ERCC6L2: variants seen among roughly 807,000 people sequenced by gnomAD.
ERCC6L2 encodes the protein ERCC excision repair 6 like 2, also known as DNA excision repair protein ERCC-6-like 2.
In ERCC6L2, 77 loss-of-function variants were observed where a neutral mutation model predicts 132.0. The observed-to-expected ratio is 0.58, with a 90% confidence interval of 0.49 to 0.71. ERCC6L2 has a LOEUF of 0.71. ERCC6L2 is among the 30% of genes least tolerant of loss of function. The pLI, the probability that ERCC6L2 is intolerant of heterozygous loss-of-function variation, is 0.00. For missense variants in ERCC6L2, 1,542 were observed against 1,837.6 expected (o/e 0.84, Z 2.94); for synonymous variants, 583 against 632.4 (o/e 0.92, Z 1.17).
At chr9:95,927,867 C>T (rs1168624499) in intron 9 of ERCC6L2, among the ~76,000 whole-genome samples, 1 of 152,120 alleles carries the variant, frequency 6.6e-6, no homozygotes, top group South Asian at 2.1e-4. Context: ...GGAACTTTAC[C>T]TCCTTATTGA....
chr9:95,912,144 A>G (rs560281801), intron 4 of ERCC6L2, among the ~76,000 whole-genome samples: 1 of 152,306 alleles, frequency 6.6e-6, no homozygotes, highest in African/African-American at 2.4e-5. Flanking sequence ...AAGAATGTGT[A>G]AATAATATGA....
At position 95,881,011 on chromosome 9, in the gene ERCC6L2, A is replaced by C; in HGVS notation, c.189A>C (p.Lys63Asn). 6.2e-7 allele frequency: 1 copy of C among 1,614,064 alleles called. No homozygotes were observed. The highest frequency in any genetic ancestry group is 8.5e-7 in the Non-Finnish European group (1 of 1,179,954). Residue 63 changes from lysine (K) to asparagine (N), a missense_variant, in exon 2 of 19, where the codon AAA becomes AAC. This residue lies in a region of ERCC6L2 where 153 missense variants were observed against 132.3 expected (regional missense o/e 1.16). Transcript: ENST00000653738. ...VVLYADFQER[K>N]IPLKQLQEVK... ...TATATGCAGATTTTCAAGAAAGGAAAATACCTCTTAAACAGCTTCAAGAAG... is the reference window on the plus strand; with the variant it reads ...TATATGCAGATTTTCAAGAAAGGAACATACCTCTTAAACAGCTTCAAGAAG...
rs1041631675 is a variant in ERCC6L2, at chr9:95,875,861, C to T, written c.-178C>T. Reference sequence around the variant, plus strand: ...CGTTCTGCTTGGGTCCCCTTAGTCGCTACCTTTGCTGGGATCCCCCTCCTC... The same window carrying T: ...CGTTCTGCTTGGGTCCCCTTAGTCGTTACCTTTGCTGGGATCCCCCTCCTC... On this transcript the variant is annotated 5_prime_UTR_variant, in exon 1 of 19. Transcript: ENST00000653738. The T allele has an allele frequency of 1.6e-6, 1 of 637,502 alleles. No homozygotes were observed. Among genetic ancestry groups the T allele is most frequent in the Non-Finnish European group, 2.7e-6 (1 of 365,748 alleles). The allele number at this position is 637,502 out of a possible 1,614,324, so 39.5% of individuals were successfully genotyped here.
Position 95,998,798 on chromosome 9 carries a change from C to T in ERCC6L2, c.3493-5722C>T, listed in dbSNP as rs79023845. On this transcript the variant is annotated intron_variant, in intron 17 of 18. Transcript: ENST00000653738. Reference sequence around the variant, plus strand: ...TGAATTTATGTTGTTTTAAGTCACTCGTTTTGTGATACTCTGTTATGGCAG... The same window carrying T: ...TGAATTTATGTTGTTTTAAGTCACTTGTTTTGTGATACTCTGTTATGGCAG... Among the ~76,000 whole-genome samples the T allele has an allele frequency of 7.5e-3, 1,144 of 152,316 alleles. 19 individuals are homozygous for T. Among genetic ancestry groups the T allele is most frequent in the African/African-American group, 0.026 (1,096 of 41,556 alleles).
chr9:95,980,311 C>T (rs1832838823), intron 17 of ERCC6L2, among the ~76,000 whole-genome samples: 1 of 152,122 alleles, frequency 6.6e-6, no homozygotes, highest in South Asian at 2.1e-4. Context: ...CATCTATCTC[C>T]CTCATCACAC....
downstream of ERCC6L2, among the ~76,000 whole-genome samples, chr9:96,023,245 A>C (rs1181975406): frequency 6.6e-6 from 1 of 152,186 alleles, no homozygotes; most frequent in Non-Finnish European, 1.5e-5. Context: ...GAAGGGATTT[A>C]TGATTAGCAT....
intron 17 of ERCC6L2, among the ~76,000 whole-genome samples, chr9:95,993,411 G>C (rs1396426570): frequency 6.6e-6 from 1 of 152,192 alleles, no homozygotes; most frequent in African/African-American, 2.4e-5. Flanking sequence ...TGCAAGCTTT[G>C]GTGAAGGTAA....
chr9:95,903,670 A>C (rs1828889837), intron 3 of ERCC6L2, among the ~76,000 whole-genome samples: 1 of 152,162 alleles, frequency 6.6e-6, no homozygotes, highest in Non-Finnish European at 1.5e-5. Context: ...ATGAATTAAT[A>C]ATTGAAGCCA....
intron 17 of ERCC6L2, among the ~76,000 whole-genome samples, chr9:95,987,391 C>G (rs1200218935): frequency 6.6e-6 from 1 of 152,158 alleles, no homozygotes; most frequent in Non-Finnish European, 1.5e-5. Flanking sequence ...AATGGACGTA[C>G]AGGAATTGGA....
At chr9:95,943,480 T>G (rs1278579133) in intron 12 of ERCC6L2, among the ~76,000 whole-genome samples, 1 of 152,172 alleles carries the variant, frequency 6.6e-6, no homozygotes, top group African/African-American at 2.4e-5. Context: ...ATTCTGTTTA[T>G]GTAGATGTAG....
intron 11 of ERCC6L2, among the ~76,000 whole-genome samples, chr9:95,933,436 A>G (rs534030532): frequency 2.0e-5 from 3 of 152,332 alleles, no homozygotes; most frequent in South Asian, 4.1e-4. Flanking sequence ...TGAACTTTCA[A>G]TCAGGACATT....
Position 95,880,415 on chromosome 9 carries a change from A to G in ERCC6L2, c.47-454A>G, listed in dbSNP as rs74869240. Among the ~76,000 whole-genome samples the G allele has an allele frequency of 7.6e-3, 1,161 of 152,338 alleles. 18 individuals are homozygous for G. The highest frequency in any genetic ancestry group is 0.027 in the African/African-American group (1,109 of 41,578). ...CTATTCACGATTACTCTACCATATC[A>G]TGAAATATATGTATATATATATGTT... is the stretch of plus-strand genomic sequence containing the variant. On this transcript the variant is annotated intron_variant, in intron 1 of 18. Coordinates refer to ENST00000653738, the MANE Select transcript of ERCC6L2 (RefSeq NM_020207.7).
intron 3 of ERCC6L2, among the ~76,000 whole-genome samples, chr9:95,900,742 TC>T (rs1191974570): frequency 6.6e-6 from 1 of 152,242 alleles, no homozygotes; most frequent in Non-Finnish European, 1.5e-5. Context: ...TTCTTTGTAA[TC>T]ATGGTCACAT....
intron 20 of ERCC6L2, among the ~76,000 whole-genome samples, chr9:96,040,629 A>G (rs1588072142): frequency 6.6e-6 from 1 of 152,076 alleles, no homozygotes; most frequent in Non-Finnish European, 1.5e-5. Context: ...GACAATGGTG[A>G]CTCCTGGGTG....
chr9:95,984,931 C>T (rs1833040678), intron 17 of ERCC6L2, among the ~76,000 whole-genome samples: 1 of 152,064 alleles, frequency 6.6e-6, no homozygotes, highest in South Asian at 2.1e-4. Flanking sequence ...GTTAATCAGT[C>T]AGGGGAATGA....
chr9:95,987,764 C>CT (rs1833150374), intron 17 of ERCC6L2, among the ~76,000 whole-genome samples: 1 of 152,230 alleles, frequency 6.6e-6, no homozygotes. Flanking sequence ...ATTGGGAACT[C>CT]TGTGTGGGGA....
At chr9:96,023,941 G>C (rs1378293312) in intron 19 of ERCC6L2, among the ~76,000 whole-genome samples, 3 of 152,172 alleles carry the variant, frequency 2.0e-5, no homozygotes, top group Non-Finnish European at 4.4e-5. Flanking sequence ...GAGCATAACT[G>C]AACAAAAGTC....
intron 9 of ERCC6L2, among the ~76,000 whole-genome samples, chr9:95,927,769 G>C (rs1194128864): frequency 1.3e-5 from 2 of 152,032 alleles, no homozygotes; most frequent in South Asian, 4.2e-4. Context: ...GTGTATTTTG[G>C]AAATTAAATT....
rs1834212299 is a variant in ERCC6L2, at chr9:96,017,743, C to T, written c.*4540C>T. Among the ~76,000 whole-genome samples the T allele has an allele frequency of 6.6e-6, 1 of 152,196 alleles. No individual in the cohort carries two copies. The highest frequency in any genetic ancestry group is 2.1e-4 in the South Asian group (1 of 4,818). ...ATGCAGCTGAGCTCATGATGGAGCC[C>T]ACTGTGTGCTTTTTGTTGTTGTTAC... is the stretch of plus-strand genomic sequence containing the variant. On this transcript the variant is annotated 3_prime_UTR_variant, in exon 19 of 19. Coordinates refer to ENST00000653738, the MANE Select transcript of ERCC6L2 (RefSeq NM_020207.7).
Sources: gnomAD v4.1 joint callset for allele counts (sites outside exome capture counted in the v4.1 genomes callset) on GRCh38, gnomAD v4.1.1 for gene constraint, gnomAD v4.1.1 regional missense constraint, MANE v1.5 for transcripts, NCBI Gene and HGNC (gene_info 2026-07-23, HGNC 2026-07-21) for gene names.